HPD: variants seen among roughly 807,000 people sequenced by gnomAD.
HPD encodes the protein 4-hydroxyphenylpyruvic acid oxidase.
HPD carries 35 observed loss-of-function variants against 56.9 expected under a neutral mutation model. The ratio of observed to expected loss-of-function variants is 0.62; its 90% CI spans 0.47 to 0.82. The LOEUF is 0.82. HPD is among the 40% of genes least tolerant of loss of function. The probability of loss-of-function intolerance (pLI) is 0.00; values close to 1 mark genes in which losing one functional copy is unlikely to be tolerated. For synonymous variants in HPD, 186 were observed against 200.2 expected, an observed-to-expected ratio of 0.93 and a Z score of 0.60; for missense variants, 442 against 506.8, an observed-to-expected ratio of 0.87 and a Z score of 1.23.
intron 12 of HPD, among the ~76,000 whole-genome samples, chr12:121,840,482 G>A (rs970708404): frequency 5.3e-5 from 8 of 151,986 alleles, no homozygotes; most frequent in African/African-American, 1.9e-4. Flanking sequence ...TGTATTTTTA[G>A]TAAGACGGGG....
At chr12:121,875,362 C>T in the HPD span, among the ~76,000 whole-genome samples, 1 of 151,960 alleles carries the variant, frequency 6.6e-6, no homozygotes, top group Non-Finnish European at 1.5e-5. Context: ...TTCCTGAATT[C>T]TGTGGTGTAG....
chr12:121,865,356 G>A (rs1320250217), upstream of HPD, among the ~76,000 whole-genome samples: 1 of 151,424 alleles, frequency 6.6e-6, no homozygotes, highest in Non-Finnish European at 1.5e-5. Context: ...TGCAACCTCC[G>A]CCTCCCGGGT....
At chr12:121,884,846 A>G in the HPD span, among the ~76,000 whole-genome samples, 2 of 152,012 alleles carry the variant, frequency 1.3e-5, no homozygotes, top group African/African-American at 2.4e-5. Context: ...AATTATTAAC[A>G]TTTTGCCGTA....
chr12:121,849,768 A>G lies in HPD; in HGVS notation c.437T>C (p.Leu146Pro). Residue 146 changes from leucine (L) to proline (P), a missense_variant, in exon 8 of 14, where the codon CTG becomes CCG. Leu to Pro is a moderately conservative substitution (Grantham distance 98, BLOSUM62 -3). Transcript: ENST00000289004. The part of the protein sequence containing the change: ...LQTYGDTTHT[L>P]VEKMNYIGQF... ...GCCGATGTAGTTCATCTTCTCCACC[A>G]GGGTGTGTGTGGTGTCCCCATACTA... The G allele has an allele frequency of 6.2e-7, 1 of 1,613,678 alleles. No homozygotes were observed. Among genetic ancestry groups the G allele is most frequent in the Non-Finnish European group, 8.5e-7 (1 of 1,179,788 alleles).
chr12:121,858,891 C>A (rs542085261), upstream of HPD: 273 of 1,594,708 alleles, frequency 1.7e-4, 1 homozygote, highest in Middle Eastern at 1.7e-3. Context: ...AGTATTTAAC[C>A]CCAAGCAGGT....
At chr12:121,870,520 A>T in the HPD span, among the ~76,000 whole-genome samples, 3 of 152,006 alleles carry the variant, frequency 2.0e-5, 1 homozygote, top group African/African-American at 7.2e-5. Flanking sequence ...AAAAAAAAAA[A>T]AGAAGGCAAG....
intron 7 of HPD, among the ~76,000 whole-genome samples, chr12:121,852,589 C>T (rs1877828124): frequency 1.5e-5 from 2 of 133,302 alleles, no homozygotes; most frequent in Admixed American, 1.6e-4. Flanking sequence ...AGGCACTGTT[C>T]TAAGTGCTAT....
At chr12:121,874,855 G>A in the HPD span, among the ~76,000 whole-genome samples, 13 of 151,526 alleles carry the variant, frequency 8.6e-5, no homozygotes, top group African/African-American at 2.4e-4. Flanking sequence ...TCTGCCTCCC[G>A]GGTTCAAGCG....
intron 10 of HPD, 32 bp downstream of exon 10, chr12:121,847,020 C>G (rs754746303): frequency 6.2e-7 from 1 of 1,614,068 alleles, no homozygotes; most frequent in South Asian, 1.1e-5. Context: ...CTCTTCCCTG[C>G]TCCCCTCTCC....
Position 121,847,119 on chromosome 12 carries a change from T to C in HPD, c.692A>G (p.Asn231Ser), listed in dbSNP as rs1877613185. 1.2e-6 allele frequency: 2 copies of C among 1,614,084 alleles called. No individual in the cohort carries two copies. Among genetic ancestry groups the C allele is most frequent in the Non-Finnish European group, 1.7e-6 (2 of 1,180,038 alleles). Residue 231 changes from asparagine (N) to serine (S), a missense_variant, in exon 10 of 14, where the codon AAC becomes AGC. By Grantham distance (46) the Asn-to-Ser change is conservative. Transcript: ENST00000289004. The part of the protein sequence containing the change: ...YSSLRSIVVA[N>S]YEESIKMPIN... Reference sequence around the variant, plus strand: ...GGGCATCTTGATGGACTCTTCATAGTTGGCCACCACAATGGATCGCAGAGA... The same window carrying C: ...GGGCATCTTGATGGACTCTTCATAGCTGGCCACCACAATGGATCGCAGAGA...
intron 8 of HPD, 25 bp downstream of exon 8, chr12:121,849,659 ACCC>A: frequency 6.9e-7 from 1 of 1,451,192 alleles, no homozygotes; most frequent in Non-Finnish European, 9.7e-7. Context: ...AGGGCTTTCC[ACCC>A]ACCTCTGCCC....
rs774349655 is a variant in HPD, at chr12:121,846,851, G to A, written c.831+11C>T. Reference sequence around the variant, plus strand: ...TGAGAGAGGAATTCGGACAGGGAAGGGGGTTCTAACCGCTGTGATGATGTC... The same window carrying A: ...TGAGAGAGGAATTCGGACAGGGAAGAGGGTTCTAACCGCTGTGATGATGTC... On this transcript the variant is annotated intron_variant, in intron 11 of 13. Coordinates refer to ENST00000289004, the MANE Select transcript of HPD (RefSeq NM_002150.3). 5 of 1,613,614 alleles carry A rather than the reference G, an allele frequency of 3.1e-6. No individual in the cohort carries two copies. The highest frequency in any genetic ancestry group is 3.4e-6 in the Non-Finnish European group (4 of 1,179,574).
upstream of HPD, among the ~76,000 whole-genome samples, chr12:121,862,298 CTTTTT>C (rs1208844264): frequency 7.1e-6 from 1 of 140,358 alleles, no homozygotes; most frequent in Non-Finnish European, 1.6e-5. Flanking sequence ...CTCTGCATTT[CTTTTT>C]TTTTTTTTTT....
At chr12:121,843,348 G>A (rs142016263) in intron 12 of HPD, among the ~76,000 whole-genome samples, 570 of 152,206 alleles carry the variant, frequency 3.7e-3, no homozygotes, top group Middle Eastern at 6.8e-3. Flanking sequence ...CTCCTACCTC[G>A]GCCCTTGCTG....
upstream of HPD, chr12:121,863,506 C>T (rs1194394964): frequency 6.6e-6 from 1 of 152,236 alleles, no homozygotes; most frequent in Non-Finnish European, 1.5e-5. Context: ...ATTCTCCTTC[C>T]CGCATCTTTG....
chr12:121,859,024 G>A (rs1158837966), upstream of HPD: 2 of 630,832 alleles, frequency 3.2e-6, no homozygotes. Flanking sequence ...GGTGTTGCCA[G>A]GCCCAGAGAG....
At chr12:121,867,089 G>C, upstream of HPD, among the ~76,000 whole-genome samples, 1 of 152,188 alleles carries the variant, frequency 6.6e-6, no homozygotes, top group Non-Finnish European at 1.5e-5. Context: ...GGTGGCTCAC[G>C]CCTGTAATCC....
At chr12:121,853,614 TC>T (rs1877885261) in intron 7 of HPD, among the ~76,000 whole-genome samples, 2 of 102,558 alleles carry the variant, frequency 2.0e-5, no homozygotes, top group Non-Finnish European at 1.9e-5. Context: ...AGAGCGAGAC[TC>T]CATCTCAAAA....
intron 4 of HPD, chr12:121,856,847 G>T (rs1161172898): frequency 1.2e-5 from 7 of 603,588 alleles, no homozygotes; most frequent in African/African-American, 3.7e-5. Flanking sequence ...GCTAGGTCAG[G>T]TCTCCCTCGG....
Sources: allele counts gnomAD v4.1 joint callset (sites outside exome capture counted in the v4.1 genomes callset), GRCh38; gene constraint gnomAD v4.1.1; transcripts MANE v1.5; gene names NCBI Gene and HGNC (gene_info 2026-07-23, HGNC 2026-07-21).